Variants in DLG2 observed in about 807,000 individuals in gnomAD.
DLG2 encodes discs large MAGUK scaffold protein 2.
A neutral mutation model predicts 132.5 loss-of-function variants in DLG2; 45 were observed. That is an observed-to-expected ratio of 0.34 (90% CI 0.27 to 0.44). DLG2 has a LOEUF of 0.44. Ranked by LOEUF, DLG2 falls within the 20% of genes least tolerant of loss-of-function variation. DLG2 has a pLI of 1.00. For synonymous variants in DLG2, 424 were observed against 419.6 expected, an observed-to-expected ratio of 1.01 and a Z score of -0.13; for missense variants, 1,045 against 1,196.9, an observed-to-expected ratio of 0.87 and a Z score of 1.87.
intron 7 of DLG2, among the ~76,000 whole-genome samples, chr11:84,499,993 T>A (rs995800000): frequency 6.6e-6 from 1 of 152,010 alleles, no homozygotes; most frequent in Non-Finnish European, 1.5e-5. Context: ...ATGATCTACA[T>A]GTCAAGAATT....
rs1164394816 is a variant in DLG2 at position 85,209,445 on chromosome 11, C to CTTTT, written c.187-54798_187-54795dup. Among the ~76,000 whole-genome samples the CTTTT allele has an allele frequency of 5.5e-4, 41 of 74,448 alleles. 10 individuals are homozygous for CTTTT. The highest frequency in any genetic ancestry group is 8.4e-4 in the East Asian group (2 of 2,370). 48.8% of individuals were successfully genotyped at this position (74,448 alleles called of 152,430 possible). A position where few individuals can be genotyped will look rare whatever the true frequency, so the allele number is the denominator to read the frequency against. ...AACTTATGGGCACAAAGAAATCAGT[C>CTTTT]TTTTTTTTTTTTTTTTTTTTTTGAG... On this transcript the variant is annotated intron_variant, in intron 4 of 27. Transcript: ENST00000376104.
At chr11:84,885,849 G>A (rs887076947) in intron 6 of DLG2, among the ~76,000 whole-genome samples, 7 of 123,172 alleles carry the variant, frequency 5.7e-5, no homozygotes, top group Middle Eastern at 4.2e-3. Flanking sequence ...CAGGGGAAAA[G>A]TGTAAAAACT....
At chr11:84,367,029 C>T (rs1600745811) in intron 7 of DLG2, among the ~76,000 whole-genome samples, 1 of 152,176 alleles carries the variant, frequency 6.6e-6, no homozygotes, top group Admixed American at 6.5e-5. Context: ...CAGCACCACA[C>T]CACACCTATT....
intron 5 of DLG2, among the ~76,000 whole-genome samples, chr11:85,147,719 A>G (rs1224676729): frequency 6.6e-6 from 1 of 151,960 alleles, no homozygotes; most frequent in African/African-American, 2.4e-5. Context: ...GACTTGATGA[A>G]CCAGTATGGT....
At chr11:85,172,063 G>A (rs2078915747) in intron 4 of DLG2, among the ~76,000 whole-genome samples, 1 of 152,194 alleles carries the variant, frequency 6.6e-6, no homozygotes, top group Admixed American at 6.5e-5. Flanking sequence ...CTGGACGAGG[G>A]GGGGTTCCGC....
At chr11:83,762,253 G>C (rs1488808162) in intron 18 of DLG2, among the ~76,000 whole-genome samples, 5 of 152,208 alleles carry the variant, frequency 3.3e-5, no homozygotes, top group African/African-American at 1.2e-4. Flanking sequence ...GTCAGCGATT[G>C]CTGACTCAAA....
At chr11:85,538,024 G>A (rs888797558) in intron 3 of DLG2, among the ~76,000 whole-genome samples, 1 of 151,950 alleles carries the variant, frequency 6.6e-6, no homozygotes, top group Admixed American at 6.6e-5. Context: ...GCTGAGGCAG[G>A]AGAATGGCGT....
intron 6 of DLG2, among the ~76,000 whole-genome samples, chr11:84,724,100 T>A (rs1340943375): frequency 6.6e-6 from 1 of 152,134 alleles, no homozygotes; most frequent in African/African-American, 2.4e-5. Flanking sequence ...GGGAAAAGAA[T>A]AGATTGGCTA....
chr11:85,595,371 T>G (rs1056328379), intron 3 of DLG2, among the ~76,000 whole-genome samples: 5 of 152,194 alleles, frequency 3.3e-5, no homozygotes, highest in Admixed American at 2.0e-4. Context: ...TAAAATATTA[T>G]GGAATTCCAA....
chr11:84,351,654 T>C (rs1448824070), intron 7 of DLG2, among the ~76,000 whole-genome samples: 1 of 152,204 alleles, frequency 6.6e-6, no homozygotes, highest in Non-Finnish European at 1.5e-5. Flanking sequence ...GGTCCCTTTA[T>C]TGTCCTTTTA....
intron 18 of DLG2, among the ~76,000 whole-genome samples, chr11:83,774,402 C>T (rs894829144): frequency 6.6e-6 from 1 of 152,084 alleles, no homozygotes; most frequent in African/African-American, 2.4e-5. Context: ...ATATGTACGC[C>T]TTCGTTTAAT....
intron 3 of DLG2, among the ~76,000 whole-genome samples, chr11:85,363,431 T>G (rs1460915142): frequency 6.6e-6 from 1 of 152,182 alleles, no homozygotes; most frequent in Non-Finnish European, 1.5e-5. Context: ...AAATTTACAT[T>G]AAGGATGACG....
intron 3 of DLG2, among the ~76,000 whole-genome samples, chr11:85,425,498 T>C (rs2153002001): frequency 6.6e-6 from 1 of 152,288 alleles, no homozygotes; most frequent in South Asian, 2.1e-4. Context: ...GGTACACTCA[T>C]ACATTACTGG....
chr11:83,903,069 T>C (rs1418490377), intron 15 of DLG2, among the ~76,000 whole-genome samples: 4 of 152,152 alleles, frequency 2.6e-5, no homozygotes, highest in Non-Finnish European at 5.9e-5. Flanking sequence ...AGAAATGTGT[T>C]ATCGGGCAAC....
intron 19 of DLG2, among the ~76,000 whole-genome samples, chr11:83,579,961 C>T (rs1015075002): frequency 6.6e-6 from 1 of 151,856 alleles, no homozygotes; most frequent in Non-Finnish European, 1.5e-5. Context: ...CAGAGCGAGA[C>T]TCTATCTCAA....
intron 6 of DLG2, among the ~76,000 whole-genome samples, chr11:85,058,242 C>A (rs2063670019): frequency 6.6e-6 from 1 of 151,420 alleles, no homozygotes; most frequent in African/African-American, 2.4e-5. Context: ...AATTGCATTT[C>A]TTTAAATATA....
rs188341296 is a variant in DLG2, at chr11:85,343,219, A to G, written c.41-57854T>C. ...ATATCCATTGTGTTCTTTTAACCCA[A>G]CACAATTCCATTATTTCCCATTTTT... On this transcript the variant is annotated intron_variant, in intron 3 of 27. Coordinates refer to ENST00000376104, the MANE Select transcript of DLG2 (RefSeq NM_001142699.3). 2.5e-3 allele frequency among the ~76,000 whole-genome samples: 386 copies of G among 152,312 alleles called. 3 individuals carry two copies. The highest frequency in any genetic ancestry group is 8.8e-3 in the African/African-American group (367 of 41,576).
At chr11:84,398,318 G>A (rs1234395627) in intron 7 of DLG2, among the ~76,000 whole-genome samples, 1 of 152,118 alleles carries the variant, frequency 6.6e-6, no homozygotes, top group Non-Finnish European at 1.5e-5. Context: ...GAGGAAACCA[G>A]AAAGCAAAAT....
Position 83,499,787 on chromosome 11 carries a change from T to A in DLG2, c.2194-15559A>T, listed in dbSNP as rs996354491. On this transcript the variant is annotated intron_variant, in intron 21 of 27. Transcript: ENST00000376104. ...ATAATAAACTCCCATATATATATAT[T>A]ATATATATAATATCATATATATATT... Among the ~76,000 whole-genome samples the A allele has an allele frequency of 6.4e-5, 9 of 141,242 alleles. No homozygotes were observed. In the East Asian group the frequency reaches 1.6e-3, roughly 26 times the overall value. 92.7% of individuals were successfully genotyped at this position (141,242 alleles called of 152,430 possible).
Sources: gnomAD v4.1 joint callset for allele counts (sites outside exome capture counted in the v4.1 genomes callset) on GRCh38, gnomAD v4.1.1 for gene constraint, MANE v1.5 for transcripts, NCBI Gene and HGNC (gene_info 2026-07-23, HGNC 2026-07-21) for gene names.